Variants in LDLRAD4 observed in about 807,000 individuals in gnomAD.
The protein encoded by LDLRAD4 is low-density lipoprotein receptor class A domain-containing protein 4.
In LDLRAD4, 5 loss-of-function variants were observed where a neutral mutation model predicts 17.0. That is an observed-to-expected ratio of 0.29 (90% confidence interval 0.15 to 0.62). LDLRAD4 has a LOEUF of 0.62. Among genes scored for constraint, LDLRAD4 ranks in the 20% least tolerant of loss-of-function variants. The pLI is 0.84. For missense variants in LDLRAD4, 340 were observed against 424.7 expected, an observed-to-expected ratio of 0.80 and a Z score of 1.75; for synonymous variants, 168 against 171.8, an observed-to-expected ratio of 0.98 and a Z score of 0.17.
intron 2 of LDLRAD4, among the ~76,000 whole-genome samples, chr18:13,416,120 C>T (rs1252362617): frequency 2.0e-5 from 3 of 152,206 alleles, no homozygotes; most frequent in Admixed American, 2.0e-4. Flanking sequence ...CTGCTGAGTC[C>T]AGCTCTGCCA....
chr18:13,339,891 A>C (rs909471494), intron 1 of LDLRAD4, among the ~76,000 whole-genome samples: 1 of 152,152 alleles, frequency 6.6e-6, no homozygotes. Context: ...TATCTTCAGA[A>C]CTTTTTCTTT....
rs779824487 is a variant in LDLRAD4, at chr18:13,645,195, C to T, written c.459C>T (p.Ser153=). 6.2e-7 allele frequency: 1 copy of T among 1,613,968 alleles called. No homozygotes were observed. Among genetic ancestry groups the T allele is most frequent in the African/African-American group, 1.3e-5 (1 of 74,926 alleles). Residue 153 remains serine (S), a synonymous_variant, in exon 6 of 6, where the codon AGC becomes AGT. Coordinates refer to ENST00000359446, the Ensembl canonical transcript of LDLRAD4. The surrounding 1 kb of genome is among the most constrained non-coding windows in gnomAD (Gnocchi z 5.7). ...CCTTCATCCAGAGGGATCGCTTCAG[C>T]CGCTTCCAGCCCACCTACCCCTATG...
intron 3 of LDLRAD4, among the ~76,000 whole-genome samples, chr18:13,578,883 G>A (rs1017051257): frequency 1.9e-5 from 2 of 106,238 alleles, no homozygotes; most frequent in African/African-American, 3.6e-5. Flanking sequence ...ACCACAAATC[G>A]CTGAGTTAAT....
chr18:13,431,547 A>C (rs1188216677), intron 2 of LDLRAD4, among the ~76,000 whole-genome samples: 1 of 152,212 alleles, frequency 6.6e-6, no homozygotes, highest in East Asian at 1.9e-4. Context: ...GTAAGTCCGA[A>C]GCCTGAGAGT....
chr18:13,480,392 C>A (rs1228861278), intron 3 of LDLRAD4, among the ~76,000 whole-genome samples: 2 of 152,158 alleles, frequency 1.3e-5, no homozygotes, highest in Non-Finnish European at 2.9e-5. Flanking sequence ...GTAAGAAGAT[C>A]ATTGCCAGGG....
intron 2 of LDLRAD4, among the ~76,000 whole-genome samples, chr18:13,417,911 T>A (rs1039377984): frequency 1.3e-5 from 2 of 152,190 alleles, no homozygotes; most frequent in Non-Finnish European, 2.9e-5. Flanking sequence ...CATTTTGCCA[T>A]ATGAAAACCC....
In LDLRAD4 at chr18:13,592,458, C is replaced by T. The variant is rs562337640; in HGVS notation, c.182-28659C>T. ...GTCCAACTTCCTTCCTGTCTTCCCT[C>T]TGAAGGCCAGAAAAAGGAGGTAGCA... On this transcript the variant is annotated intron_variant, in intron 3 of 5. Transcript: ENST00000359446. Among the ~76,000 whole-genome samples the T allele has an allele frequency of 1.3e-4, 20 of 152,320 alleles. No homozygotes were observed. The South Asian group carries it at 4.1e-3, about 32-fold the overall frequency.
At chr18:13,252,774 C>T (rs574560317) in intron 1 of LDLRAD4, among the ~76,000 whole-genome samples, 9 of 152,354 alleles carry the variant, frequency 5.9e-5, no homozygotes, top group African/African-American at 1.9e-4. Context: ...GAACCAGCCT[C>T]ACTTGCCGTC....
At chr18:13,395,102 A>T (rs1169139967) in intron 2 of LDLRAD4, among the ~76,000 whole-genome samples, 2 of 152,144 alleles carry the variant, frequency 1.3e-5, no homozygotes, top group African/African-American at 4.8e-5. Flanking sequence ...GCTCTGTGAC[A>T]CTGATAGATC....
rs73958207 is a variant in LDLRAD4 at position 13,492,623 on chromosome 18, C to A, written c.181+54239C>A. On this transcript the variant is annotated intron_variant, in intron 3 of 5. Coordinates refer to ENST00000359446, the Ensembl canonical transcript of LDLRAD4. ...TACTCAGGAGTGGGATCTCCACTGA[C>A]TGGGGCGGCCCTCCAGCAGGTGTCC... is the stretch of plus-strand genomic sequence containing the variant. Among the ~76,000 whole-genome samples, 668 of 152,344 alleles carry A rather than the reference C, an allele frequency of 4.4e-3. 6 individuals carry two copies. The highest frequency in any genetic ancestry group is 0.016 in the African/African-American group (646 of 41,582).
rs1416719823 is a variant in LDLRAD4 at position 13,395,642 on chromosome 18, GGGAGCTGGCGTGGGGGCA to G, written c.40+7898_40+7915del. Among the ~76,000 whole-genome samples, 290 of 85,784 alleles carry G rather than the reference GGGAGCTGGCGTGGGGGCA, an allele frequency of 3.4e-3. 5 individuals are homozygous for G. The highest frequency in any genetic ancestry group is 0.013 in the African/African-American group (265 of 19,864). The allele number at this position is 85,784 out of a possible 152,430, so 56.3% of individuals were successfully genotyped here. A position where few individuals can be genotyped will look rare whatever the true frequency, so the allele number is the denominator to read the frequency against. ...TGGGGGCGGGAGTTGGCGTTGGGTG[GGGAGCTGGCGTGGGGGCA>G]GGAGCTGGCGTGGGGGCGGGAGTTG... On this transcript the variant is annotated intron_variant, in intron 2 of 5. Transcript: ENST00000359446.
At chr18:13,500,735 T>G (rs2093600526) in intron 3 of LDLRAD4, 1 of 152,164 alleles carries the variant, frequency 6.6e-6, no homozygotes, top group African/African-American at 2.4e-5. Flanking sequence ...TAAATGCTTC[T>G]GTAAGATGAT....
intron 3 of LDLRAD4, among the ~76,000 whole-genome samples, chr18:13,579,868 G>A (rs571291104): frequency 1.1e-4 from 16 of 152,268 alleles, no homozygotes; most frequent in South Asian, 6.2e-4. Context: ...TCTGTCATGC[G>A]TTGTCTGGGG....
intron 3 of LDLRAD4, among the ~76,000 whole-genome samples, chr18:13,563,758 A>C (rs1258556790): frequency 6.6e-6 from 1 of 152,220 alleles, no homozygotes; most frequent in East Asian, 1.9e-4. Flanking sequence ...GAGATGTAGA[A>C]GCCACAAGAC....
At chr18:13,276,327 A>G (rs887138498), upstream of LDLRAD4, among the ~76,000 whole-genome samples, 2 of 152,188 alleles carry the variant, frequency 1.3e-5, no homozygotes, top group African/African-American at 4.8e-5. Context: ...AGTTACATTT[A>G]TCAGTTTTCT....
intron 2 of LDLRAD4, among the ~76,000 whole-genome samples, chr18:13,431,301 A>G (rs1052426890): frequency 5.9e-5 from 9 of 152,206 alleles, no homozygotes; most frequent in Non-Finnish European, 1.2e-4. Flanking sequence ...GGGGGTTCTT[A>G]CCTACTTTCG....
intron 4 of LDLRAD4, among the ~76,000 whole-genome samples, chr18:13,629,053 A>G (rs973099031): frequency 1.3e-5 from 2 of 151,884 alleles, no homozygotes; most frequent in African/African-American, 4.8e-5. Flanking sequence ...CTGGTCTTGA[A>G]CTCCTTGCCT....
At chr18:13,438,122 A>G (rs929655786) in intron 2 of LDLRAD4, 122 bp from the exon 4 acceptor site, 13 of 867,496 alleles carry the variant, frequency 1.5e-5, no homozygotes, top group Non-Finnish European at 2.5e-5. Context: ...GGCTCTCCAG[A>G]TAGTCTGAGC....
At chr18:13,268,074 A>T (rs1383790907) in intron 1 of LDLRAD4, among the ~76,000 whole-genome samples, 3 of 152,158 alleles carry the variant, frequency 2.0e-5, no homozygotes, top group Non-Finnish European at 4.4e-5. Context: ...ACTTTCCAAG[A>T]TGTGCCTGGA....
Sources: gnomAD v4.1 joint callset for allele counts (sites outside exome capture counted in the v4.1 genomes callset) on GRCh38, gnomAD v4.1.1 for gene constraint, Gnocchi (gnomAD v3.1) non-coding constraint, MANE v1.5 for transcripts, NCBI Gene and HGNC (gene_info 2026-07-23, HGNC 2026-07-21) for gene names.